The following CCDC33 variants were observed in gnomAD, a reference collection of about 807,000 sequenced individuals.
CCDC33 encodes coiled-coil domain containing 33, also known as coiled-coil domain-containing protein 33.
In CCDC33, 94 loss-of-function variants were observed where a neutral mutation model predicts 91.9. That is an observed-to-expected ratio of 1.02 (90% CI 0.87 to 1.21). The LOEUF is 1.21. Among genes scored for constraint, CCDC33 ranks in the 50% most tolerant of loss-of-function variants. The pLI is 0.00. For synonymous variants in CCDC33, 396 were observed against 374.5 expected, an observed-to-expected ratio of 1.06 and a Z score of -0.66; for missense variants, 940 against 935.5, an observed-to-expected ratio of 1.00 and a Z score of -0.06.
chr15:74,282,393 A>C (rs1176594883), intron 10 of CCDC33, among the ~76,000 whole-genome samples: 1 of 152,118 alleles, frequency 6.6e-6, no homozygotes, highest in Non-Finnish European at 1.5e-5. Context: ...GGCAGCTCTC[A>C]GCTCCTGAAG....
chr15:74,252,550 C>T (rs920404110), intron 2 of CCDC33, among the ~76,000 whole-genome samples: 3 of 152,188 alleles, frequency 2.0e-5, no homozygotes, highest in Admixed American at 6.5e-5. Context: ...AAGCAGGCTG[C>T]GTTATTCCCA....
chr15:74,330,322 G>A lies in CCDC33; in HGVS notation c.1424G>A (p.Gly475Glu). Residue 475 changes from glycine to glutamate, a missense_variant, in exon 12 of 19, where the codon GGG (glycine) becomes GAG (glutamate). Transcript: ENST00000398814. ...SRLAQQEEEEGQGKASEAQNT... is the reference protein window; with the variant it reads ...SRLAQQEEEEEQGKASEAQNT... ...CTGGCCCAGCAGGAGGAGGAAGAGG[G>A]GCAGGGCAAAGCCAGTGAGGCCCAG... 6.2e-7 allele frequency: 1 copy of A among 1,608,854 alleles called. No individual in the cohort carries two copies. The highest frequency in any genetic ancestry group is 8.5e-7 in the Non-Finnish European group (1 of 1,178,424).
chr15:74,333,785 C>G, intron 16 of CCDC33, 96 bp from the exon 17 acceptor site: 1 of 980,190 alleles, frequency 1.0e-6, no homozygotes, highest in South Asian at 1.5e-5. Context: ...GAACTCAGGC[C>G]TGACTGGTTT....
chr15:74,332,147 C>T (rs974583421), intron 15 of CCDC33, among the ~76,000 whole-genome samples: 5 of 152,234 alleles, frequency 3.3e-5, no homozygotes, highest in African/African-American at 1.2e-4. Flanking sequence ...AACACCATAT[C>T]AGGCCAGCCC....
intron 11 of CCDC33, among the ~76,000 whole-genome samples, chr15:74,305,963 A>T (rs2059886668): frequency 6.6e-6 from 1 of 152,210 alleles, no homozygotes; most frequent in African/African-American, 2.4e-5. Flanking sequence ...CAGAGGACTA[A>T]CAGGAGAGTG....
At chr15:74,259,190 G>A (rs1373279149) in intron 2 of CCDC33, among the ~76,000 whole-genome samples, 2 of 152,056 alleles carry the variant, frequency 1.3e-5, no homozygotes, top group African/African-American at 4.8e-5. Flanking sequence ...AACAGGGCAG[G>A]TCTTTGGGGG....
chr15:74,205,719 C>A lies in CCDC33; in HGVS notation n.89+2621C>A, dbSNP rs577619350. On this transcript the variant is annotated intron_variant and non_coding_transcript_variant, in intron 1 of 3. Coordinates refer to the CCDC33 transcript ENST00000558645. ...GCAGCCAGGCTGGCAGAAAGGGACC[C>A]CAGCTGAGCCCAGGCACAGTCCCTT... 2.6e-5 allele frequency among the ~76,000 whole-genome samples: 4 copies of A among 152,314 alleles called. No individual in the cohort carries two copies. In the South Asian group the frequency reaches 8.3e-4, roughly 32 times the overall value.
intron 2 of CCDC33, among the ~76,000 whole-genome samples, chr15:74,250,362 A>T (rs1208287198): frequency 6.6e-6 from 1 of 152,158 alleles, no homozygotes; most frequent in East Asian, 1.9e-4. Flanking sequence ...CTCCCCAGCA[A>T]CAGGACCTCC....
intron 1 of CCDC33, among the ~76,000 whole-genome samples, chr15:74,239,168 C>G (rs769338587): frequency 1.3e-5 from 2 of 152,048 alleles, no homozygotes; most frequent in Non-Finnish European, 2.9e-5. Flanking sequence ...TGTGACTTTT[C>G]AGACACACGG....
At chr15:74,230,084 C>T (rs949055392) in intron 2 of CCDC33, among the ~76,000 whole-genome samples, 1 of 152,214 alleles carries the variant, frequency 6.6e-6, no homozygotes, top group Non-Finnish European at 1.5e-5. Flanking sequence ...GCTGGAGAGA[C>T]CACTGCTCCT....
chr15:74,286,305 C>T (rs1396807788), intron 10 of CCDC33, among the ~76,000 whole-genome samples: 2 of 152,328 alleles, frequency 1.3e-5, no homozygotes, highest in East Asian at 1.9e-4. Context: ...CACATACACA[C>T]ACACACAGAA....
At chr15:74,228,558 G>C (rs1235893604) in intron 2 of CCDC33, among the ~76,000 whole-genome samples, 1 of 152,258 alleles carries the variant, frequency 6.6e-6, no homozygotes, top group Non-Finnish European at 1.5e-5. Context: ...TGGGGAGCCA[G>C]TGATTGTGGG....
In CCDC33 at chr15:74,299,248, C is replaced by T. The variant is rs117568853; in HGVS notation, c.1290+3300C>T. Among the ~76,000 whole-genome samples the T allele has an allele frequency of 1.9e-4, 29 of 152,326 alleles. No individual in the cohort carries two copies. The East Asian group carries it at 4.8e-3, about 25-fold the overall frequency. On this transcript the variant is annotated intron_variant, in intron 11 of 18. Coordinates refer to ENST00000398814, the MANE Select transcript of CCDC33 (RefSeq NM_025055.5). ...GCTCATTCACCCGGAGAGAGTGTTCCTGGTCCCTCTACCCTCCCTCTTGCT... is the reference window on the plus strand; with the variant it reads ...GCTCATTCACCCGGAGAGAGTGTTCTTGGTCCCTCTACCCTCCCTCTTGCT...
chr15:74,336,089 A>T lies in CCDC33; in HGVS notation c.*36A>T. 1 of 1,605,078 alleles carries T rather than the reference A, an allele frequency of 6.2e-7. No homozygotes were observed. Among genetic ancestry groups the T allele is most frequent in the Non-Finnish European group, 8.5e-7 (1 of 1,175,534 alleles). ...AGGCCTCCTTCCCTGTGTGCTGGGG[A>T]GTCTCATCACCGCCCCCTAAAAATG... On this transcript the variant is annotated 3_prime_UTR_variant, in exon 19 of 19. Coordinates refer to ENST00000398814, the MANE Select transcript of CCDC33 (RefSeq NM_025055.5).
chr15:74,313,512 C>T (rs140790075), intron 11 of CCDC33, among the ~76,000 whole-genome samples: 2,784 of 150,696 alleles, frequency 0.018, 79 homozygotes, highest in African/African-American at 0.065. Context: ...TCCGCCTCCC[C>T]GGGTTCAAGC....
In CCDC33 at chr15:74,236,562, C is replaced by T; in HGVS notation, c.-158C>T. 1 of 528,802 alleles carries T rather than the reference C, an allele frequency of 1.9e-6. No homozygotes were observed. Among genetic ancestry groups the T allele is most frequent in the Non-Finnish European group, 3.3e-6 (1 of 300,178 alleles). The allele number at this position is 528,802 out of a possible 1,614,324, so 32.8% of individuals were successfully genotyped here. A position where few individuals can be genotyped will look rare whatever the true frequency, so the allele number is the denominator to read the frequency against. On this transcript the variant is annotated 5_prime_UTR_variant, in exon 1 of 19. Coordinates refer to ENST00000398814, the MANE Select transcript of CCDC33 (RefSeq NM_025055.5). ...GCCCCAGGGCTGGTGTGTGGCACCC[C>T]TGAGACCACATTGACCTCCATACTG... is the stretch of plus-strand genomic sequence containing the variant.
intron 10 of CCDC33, among the ~76,000 whole-genome samples, chr15:74,292,129 T>G (rs2059596099): frequency 6.6e-6 from 1 of 152,198 alleles, no homozygotes; most frequent in Non-Finnish European, 1.5e-5. Context: ...GCAAGGCTTG[T>G]CAAATACAGA....
At position 74,229,964 on chromosome 15, in the gene CCDC33, C is replaced by T. The variant is rs141000565; in HGVS notation, c.675+11103C>T. ...GAGGTCGGGTGGGGGAAGGTTGCAG[C>T]GAATCTTTGTGCAGGTTGTGCACAA... On this transcript the variant is annotated intron_variant, in intron 2 of 2. Coordinates refer to the CCDC33 transcript ENST00000635913. Among the ~76,000 whole-genome samples, 8 of 152,298 alleles carry T rather than the reference C, an allele frequency of 5.3e-5. No individual in the cohort carries two copies. In the East Asian group the frequency reaches 1.3e-3, roughly 26 times the overall value.
At chr15:74,334,688 A>ACAG (rs1437122733) in intron 17 of CCDC33, among the ~76,000 whole-genome samples, 1 of 143,668 alleles carries the variant, frequency 7.0e-6, no homozygotes, top group African/African-American at 3.0e-5. Flanking sequence ...TCATTGTGTG[A>ACAG]CCAGGGTCAG....
Sources: gnomAD v4.1 joint callset for allele counts (sites outside exome capture counted in the v4.1 genomes callset) on GRCh38, gnomAD v4.1.1 for gene constraint, MANE v1.5 for transcripts, NCBI Gene and HGNC (gene_info 2026-07-23, HGNC 2026-07-21) for gene names.